Variants in RANBP17 observed in about 807,000 individuals in gnomAD.
RANBP17 encodes the protein ran-binding protein 17.
In RANBP17, 158 loss-of-function variants were observed where a neutral mutation model predicts 141.2. The ratio of observed to expected loss-of-function variants is 1.12; its 90% CI spans 0.98 to 1.28. RANBP17 has a LOEUF of 1.28. Ranked by LOEUF, RANBP17 falls within the 50% of genes most tolerant of loss-of-function variation. The pLI is 0.00. For synonymous variants in RANBP17, 430 were observed against 450.0 expected (o/e 0.96, Z 0.56); for missense variants, 1,438 against 1,290.7 (o/e 1.11, Z -1.75).
intron 12 of RANBP17, among the ~76,000 whole-genome samples, chr5:170,944,353 G>C (rs1441696618): frequency 6.6e-6 from 1 of 152,096 alleles, no homozygotes; most frequent in Non-Finnish European, 1.5e-5. Context: ...TGCAACCTTT[G>C]CCTCCCAGGT....
In RANBP17 at chr5:171,276,642, A is replaced by G. The variant is rs547336301; in HGVS notation, c.2943+10795A>G. Among the ~76,000 whole-genome samples, 37 of 152,322 alleles carry G rather than the reference A, an allele frequency of 2.4e-4. No individual in the cohort carries two copies. The East Asian group carries it at 5.4e-3, about 22-fold the overall frequency. The stretch of plus-strand genomic sequence containing the variant: ...TCTACAGTTTAGCTATTAGTCTGCA[A>G]CAAATGTTCTCAGGATAGCAAAGGA... On this transcript the variant is annotated intron_variant, in intron 25 of 27. Coordinates refer to ENST00000523189, the MANE Select transcript of RANBP17 (RefSeq NM_022897.5).
At chr5:170,972,156 T>C (rs929296528) in intron 14 of RANBP17, among the ~76,000 whole-genome samples, 16 of 151,372 alleles carry the variant, frequency 1.1e-4, no homozygotes, top group African/African-American at 3.6e-4. Context: ...AAAAGTATTA[T>C]GCAGTTTGGA....
intron 20 of RANBP17, among the ~76,000 whole-genome samples, chr5:171,212,025 T>TA (rs1224228951): frequency 1.3e-5 from 2 of 152,170 alleles, no homozygotes; most frequent in African/African-American, 4.8e-5. Flanking sequence ...AAAAAGCTTA[T>TA]AATAGGAGAG....
intron 14 of RANBP17, among the ~76,000 whole-genome samples, chr5:171,166,089 G>A (rs989076581): frequency 2.6e-5 from 4 of 152,152 alleles, no homozygotes; most frequent in Admixed American, 2.0e-4. Context: ...TAGTAGGCAC[G>A]TGAGATTTTA....
chr5:171,243,827 A>T (rs1765038023), intron 24 of RANBP17, among the ~76,000 whole-genome samples: 1 of 152,054 alleles, frequency 6.6e-6, no homozygotes, highest in East Asian at 1.9e-4. Context: ...TAATCCCAGC[A>T]CTTTGGGAGG....
intron 23 of RANBP17, among the ~76,000 whole-genome samples, chr5:171,242,442 G>A (rs1007701236): frequency 2.6e-5 from 4 of 152,010 alleles, no homozygotes; most frequent in Non-Finnish European, 4.4e-5. Context: ...TCTAAATATC[G>A]TACTGCAGGG....
intron 14 of RANBP17, among the ~76,000 whole-genome samples, chr5:171,152,822 T>TAAC (rs1460470012): frequency 1.3e-5 from 2 of 152,240 alleles, no homozygotes; most frequent in Non-Finnish European, 2.9e-5. Flanking sequence ...TCTATGTGCA[T>TAAC]TATATCTTAA....
chr5:171,035,076 A>G (rs1349128056), intron 14 of RANBP17, among the ~76,000 whole-genome samples: 1 of 151,616 alleles, frequency 6.6e-6, no homozygotes, highest in African/African-American at 2.4e-5. Context: ...AAATAAAATG[A>G]AATTATAAGT....
Position 170,982,035 on chromosome 5 carries a change from T to G in RANBP17, c.1710+13658T>G, listed in dbSNP as rs191964485. Among the ~76,000 whole-genome samples, 199 of 152,246 alleles carry G rather than the reference T, an allele frequency of 1.3e-3. 1 individual carries two copies. The highest frequency in any genetic ancestry group is 4.7e-3 in the African/African-American group (194 of 41,538). ...CGAAATTCTTGCAAGAGATAGGAAG[T>G]TTTTTATGGAAGTTTGAACAGGAGG... On this transcript the variant is annotated intron_variant, in intron 14 of 27. Coordinates refer to ENST00000523189, the MANE Select transcript of RANBP17 (RefSeq NM_022897.5).
At chr5:171,101,960 C>T (rs1001828811) in intron 14 of RANBP17, among the ~76,000 whole-genome samples, 1 of 152,134 alleles carries the variant, frequency 6.6e-6, no homozygotes, top group African/African-American at 2.4e-5. Context: ...TGCAGAGATC[C>T]ACTGTTAGCC....
At chr5:171,104,917 C>T (rs1754676873) in intron 14 of RANBP17, among the ~76,000 whole-genome samples, 1 of 152,030 alleles carries the variant, frequency 6.6e-6, no homozygotes, top group Non-Finnish European at 1.5e-5. Context: ...TTTAATTTTT[C>T]CATTGGTCCC....
intron 14 of RANBP17, among the ~76,000 whole-genome samples, chr5:171,156,687 C>T (rs1403336727): frequency 6.6e-6 from 1 of 152,044 alleles, no homozygotes; most frequent in Non-Finnish European, 1.5e-5. Flanking sequence ...TATTAGCTAT[C>T]GGTAGCTTCT....
chr5:170,991,861 T>C (rs1778532294), intron 14 of RANBP17, among the ~76,000 whole-genome samples: 1 of 151,962 alleles, frequency 6.6e-6, no homozygotes, highest in African/African-American at 2.4e-5. Context: ...AATGGGAAAA[T>C]TCTCTTTGAA....
chr5:171,074,224 C>G (rs1243348845), intron 14 of RANBP17, among the ~76,000 whole-genome samples: 2 of 152,048 alleles, frequency 1.3e-5, no homozygotes, highest in Admixed American at 1.3e-4. Context: ...ACAATCCCAG[C>G]CTGATCATGA....
intron 14 of RANBP17, among the ~76,000 whole-genome samples, chr5:171,092,934 A>T (rs895243852): frequency 2.0e-5 from 3 of 152,214 alleles, no homozygotes; most frequent in Non-Finnish European, 4.4e-5. Context: ...ATATTATGGA[A>T]AGCACTCATC....
intron 12 of RANBP17, among the ~76,000 whole-genome samples, chr5:170,936,073 T>C (rs2127466750): frequency 6.6e-6 from 1 of 152,296 alleles, no homozygotes; most frequent in East Asian, 1.9e-4. Context: ...CGAGGCTCCG[T>C]GGGCATGGGA....
In RANBP17 at chr5:171,222,570, C is replaced by T. The variant is rs75249807; in HGVS notation, c.2422+730C>T. Reference sequence around the variant, plus strand: ...TTCCCTGTGTCCTTTTTTTCCCTCTCTGTTCTTTCCCAAATCTACAGCAAA... The same window carrying T: ...TTCCCTGTGTCCTTTTTTTCCCTCTTTGTTCTTTCCCAAATCTACAGCAAA... On this transcript the variant is annotated intron_variant, in intron 22 of 27. Transcript: ENST00000523189. Among the ~76,000 whole-genome samples the T allele has an allele frequency of 7.5e-3, 1,147 of 152,246 alleles. 13 individuals carry two copies. Among genetic ancestry groups the T allele is most frequent in the African/African-American group, 0.026 (1,085 of 41,548 alleles).
chr5:170,968,170 T>C (rs1776724236), intron 13 of RANBP17, 72 bp from the exon 14 acceptor site: 2 of 1,040,286 alleles, frequency 1.9e-6, no homozygotes, highest in Non-Finnish European at 2.7e-6. Context: ...ATTACATTTA[T>C]GGTAAATGTT....
At chr5:170,885,390 T>C (rs1769057934) in intron 3 of RANBP17, among the ~76,000 whole-genome samples, 1 of 152,212 alleles carries the variant, frequency 6.6e-6, no homozygotes, top group South Asian at 2.1e-4. Flanking sequence ...AGATAGTGAC[T>C]ACACTGGTGT....
Sources: allele counts gnomAD v4.1 joint callset (sites outside exome capture counted in the v4.1 genomes callset), GRCh38; gene constraint gnomAD v4.1.1; transcripts MANE v1.5; gene names NCBI Gene and HGNC (gene_info 2026-07-23, HGNC 2026-07-21).